NPFFR2: variants seen among roughly 807,000 people sequenced by gnomAD.
The protein encoded by NPFFR2 is G-protein coupled receptor 74.
A neutral mutation model predicts 13.1 loss-of-function variants in NPFFR2; 15 were observed. The observed-to-expected ratio is 1.15, with a 90% confidence interval of 0.77 to 1.76. The LOEUF (loss-of-function observed/expected upper bound fraction) is 1.76, where lower values mean the gene tolerates loss of function less well. NPFFR2 is among the 40% of genes most tolerant of loss of function. NPFFR2 has a pLI of 0.00. For synonymous variants in NPFFR2, 190 were observed against 175.7 expected (o/e 1.08, Z -0.65); for missense variants, 572 against 503.5 (o/e 1.14, Z -1.30).
chr4:72,088,421 T>C (rs1720826079), intron 1 of NPFFR2, among the ~76,000 whole-genome samples: 1 of 152,038 alleles, frequency 6.6e-6, no homozygotes. Context: ...AAGTAAGTAA[T>C]ATAGCTTACA....
intron 3 of NPFFR2, among the ~76,000 whole-genome samples, chr4:72,141,940 C>A (rs531840093): frequency 6.6e-6 from 1 of 152,142 alleles, no homozygotes; most frequent in African/African-American, 2.4e-5. Context: ...AATCTGGGTG[C>A]TCCTGTATTG....
intron 1 of NPFFR2, among the ~76,000 whole-genome samples, chr4:72,058,704 T>G (rs1347548171): frequency 2.6e-5 from 4 of 152,058 alleles, no homozygotes; most frequent in African/African-American, 9.7e-5. Flanking sequence ...AACATGGATT[T>G]TTTTGTAAAA....
chr4:72,083,844 G>A (rs371170036), intron 1 of NPFFR2, among the ~76,000 whole-genome samples: 2 of 151,936 alleles, frequency 1.3e-5, no homozygotes, highest in African/African-American at 2.4e-5. Flanking sequence ...TATTTAGTAC[G>A]GCCAAAACAT....
chr4:72,140,704 A>C (rs2109846372), intron 3 of NPFFR2, among the ~76,000 whole-genome samples: 1 of 152,258 alleles, frequency 6.6e-6, no homozygotes, highest in Admixed American at 6.5e-5. Flanking sequence ...CATCAGGGAT[A>C]TTGGTCTAAA....
At chr4:72,120,478 G>C (rs1453222675) in intron 1 of NPFFR2, among the ~76,000 whole-genome samples, 1 of 152,302 alleles carries the variant, frequency 6.6e-6, no homozygotes, top group Middle Eastern at 3.4e-3. Context: ...CTCCCAGCAA[G>C]GGTTGACAGA....
At chr4:72,069,646 T>G (rs1257898949) in intron 1 of NPFFR2, among the ~76,000 whole-genome samples, 1 of 152,034 alleles carries the variant, frequency 6.6e-6, no homozygotes, top group Non-Finnish European at 1.5e-5. Flanking sequence ...TATAATAAAG[T>G]CAAAAGCTTT....
chr4:72,071,963 A>G (rs1338337319), intron 1 of NPFFR2, among the ~76,000 whole-genome samples: 1 of 152,134 alleles, frequency 6.6e-6, no homozygotes, highest in Non-Finnish European at 1.5e-5. Flanking sequence ...GTCACCACTC[A>G]TGCCCAGGGG....
At chr4:72,069,863 G>A (rs1424334635) in intron 1 of NPFFR2, among the ~76,000 whole-genome samples, 2 of 151,882 alleles carry the variant, frequency 1.3e-5, no homozygotes, top group Non-Finnish European at 2.9e-5. Flanking sequence ...ATATCAGATT[G>A]GTAAATATAA....
intron 1 of NPFFR2, among the ~76,000 whole-genome samples, chr4:72,127,873 A>G (rs1455613522): frequency 6.6e-6 from 1 of 151,904 alleles, no homozygotes; most frequent in Non-Finnish European, 1.5e-5. Flanking sequence ...CGAACTCAGG[A>G]GTTCAAGACC....
chr4:72,101,103 T>C (rs986305874), intron 1 of NPFFR2, among the ~76,000 whole-genome samples: 1 of 152,098 alleles, frequency 6.6e-6, no homozygotes, highest in African/African-American at 2.4e-5. Flanking sequence ...TTATTTACAT[T>C]TTAAATAATA....
At chr4:72,034,984 C>T (rs1719008584) in intron 1 of NPFFR2, among the ~76,000 whole-genome samples, 1 of 152,224 alleles carries the variant, frequency 6.6e-6, no homozygotes, top group Admixed American at 6.5e-5. Flanking sequence ...CTCTGTGCCT[C>T]AGGCAAATCA....
chr4:72,068,744 G>A (rs553974161), intron 1 of NPFFR2, among the ~76,000 whole-genome samples: 105 of 151,914 alleles, frequency 6.9e-4, no homozygotes, highest in African/African-American at 2.5e-3. Context: ...TTAGCAGATG[G>A]ATTCAGGTGA....
chr4:72,043,118 C>T (rs1426496819), intron 1 of NPFFR2, among the ~76,000 whole-genome samples: 2 of 152,174 alleles, frequency 1.3e-5, no homozygotes, highest in Non-Finnish European at 1.5e-5. Flanking sequence ...CATTGCAATT[C>T]CCAATCCTTG....
intron 1 of NPFFR2, chr4:72,069,150 A>G (rs965247593): frequency 7.5e-6 from 3 of 399,730 alleles, no homozygotes; most frequent in African/African-American, 6.2e-5. Context: ...GACTGACTAA[A>G]TCTCACTTTT....
intron 1 of NPFFR2, among the ~76,000 whole-genome samples, chr4:72,079,087 C>CACACACACACACACACACACAT (rs1553890218): frequency 9.8e-5 from 14 of 143,238 alleles, no homozygotes; most frequent in African/African-American, 3.0e-4. Context: ...CACACACACA[C>CACACACACACACACACACACAT]ATCTGTTGAA....
rs566137054 is a variant in NPFFR2 at position 72,118,176 on chromosome 4, C to G, written c.-7-10409C>G. Among the ~76,000 whole-genome samples, 3 of 152,244 alleles carry G rather than the reference C, an allele frequency of 2.0e-5. No homozygotes were observed. In the East Asian group the frequency reaches 5.8e-4, roughly 29 times the overall value. Reference sequence around the variant, plus strand: ...ATATGTGCTCTGGAGAAGAGCTGCACGGAATAAAATCCCACTTCTGCTTTT... The same window carrying G: ...ATATGTGCTCTGGAGAAGAGCTGCAGGGAATAAAATCCCACTTCTGCTTTT... On this transcript the variant is annotated intron_variant, in intron 1 of 3. Transcript: ENST00000308744.
intron 1 of NPFFR2, among the ~76,000 whole-genome samples, chr4:72,034,292 C>T (rs1027646363): frequency 8.5e-5 from 13 of 152,158 alleles, no homozygotes; most frequent in Admixed American, 1.3e-4. Context: ...ATTTAATTGA[C>T]TCAAAGTTCT....
At chr4:72,034,674 C>T (rs1340244506) in intron 1 of NPFFR2, among the ~76,000 whole-genome samples, 1 of 152,220 alleles carries the variant, frequency 6.6e-6, no homozygotes, top group Admixed American at 6.5e-5. Flanking sequence ...CTGATGTTAA[C>T]AGCTGATTTT....
At chr4:72,099,864 A>G (rs1721189574) in intron 1 of NPFFR2, among the ~76,000 whole-genome samples, 1 of 152,118 alleles carries the variant, frequency 6.6e-6, no homozygotes. Context: ...TGTGCTGTGT[A>G]TGTGTCACAC....
Sources: allele counts gnomAD v4.1 joint callset (sites outside exome capture counted in the v4.1 genomes callset), GRCh38; gene constraint gnomAD v4.1.1; transcripts MANE v1.5; gene names NCBI Gene and HGNC (gene_info 2026-07-23, HGNC 2026-07-21).